The following SESTD1 variants were observed in gnomAD, a reference collection of about 807,000 sequenced individuals.
SESTD1 encodes SEC14 domain and spectrin repeat-containing protein 1.
Under a neutral mutation model 101.7 loss-of-function variants are expected in SESTD1, and 43 were observed. The observed-to-expected ratio is 0.42, with a 90% CI of 0.33 to 0.55. The LOEUF (loss-of-function observed/expected upper bound fraction) is 0.55, where lower values mean the gene tolerates loss of function less well. Among genes scored for constraint, SESTD1 ranks in the 20% least tolerant of loss-of-function variants. The pLI, the probability that SESTD1 is intolerant of heterozygous loss-of-function variation, is 0.07. For synonymous variants in SESTD1, 283 were observed against 286.8 expected, an observed-to-expected ratio of 0.99 and a Z score of 0.13; for missense variants, 647 against 815.1, an observed-to-expected ratio of 0.79 and a Z score of 2.51.
At chr2:179,201,246 T>C (rs2046507438) in intron 1 of SESTD1, among the ~76,000 whole-genome samples, 1 of 132,788 alleles carries the variant, frequency 7.5e-6, no homozygotes. Flanking sequence ...CCAGTCAGAA[T>C]GGCAATCATT....
In SESTD1 at chr2:179,155,450, ACT is replaced by A. The variant is rs141912503; in HGVS notation, c.370-4061_370-4060del. Among the ~76,000 whole-genome samples the A allele has an allele frequency of 8.4e-3, 1,279 of 151,972 alleles. 10 individuals carry two copies. Among genetic ancestry groups the A allele is most frequent in the African/African-American group, 0.029 (1,191 of 41,448 alleles). On this transcript the variant is annotated intron_variant, in intron 5 of 17. Transcript: ENST00000428443. ...ATCTGAAAAGATAAAATCCCAGAGC[ACT>A]CTCTCCTGAAAATGCAGGCCGGGCA...
At chr2:179,211,745 T>C (rs1225234469) in intron 1 of SESTD1, among the ~76,000 whole-genome samples, 1 of 133,768 alleles carries the variant, frequency 7.5e-6, no homozygotes, top group Non-Finnish European at 1.6e-5. Flanking sequence ...TTCCAAGTGA[T>C]GTAACTCAGG....
At chr2:179,133,151 A>T (rs1036841586) in intron 9 of SESTD1, among the ~76,000 whole-genome samples, 2 of 152,074 alleles carry the variant, frequency 1.3e-5, no homozygotes, top group African/African-American at 4.8e-5. Context: ...CAGCATCAGG[A>T]GTTCTTCAGC....
Position 179,156,802 on chromosome 2 carries a change from C to T in SESTD1, c.370-5411G>A, listed in dbSNP as rs371746431. Among the ~76,000 whole-genome samples the T allele has an allele frequency of 5.9e-5, 9 of 152,226 alleles. No homozygotes were observed. The East Asian group carries it at 1.5e-3, about 26-fold the overall frequency. On this transcript the variant is annotated intron_variant, in intron 5 of 17. Coordinates refer to ENST00000428443, the MANE Select transcript of SESTD1 (RefSeq NM_178123.5). The stretch of plus-strand genomic sequence containing the variant: ...TTTACTCTGCTGACTGTTCATTTTG[C>T]CATACAAAAGCTCTTTAATTTCATT...
intron 1 of SESTD1, among the ~76,000 whole-genome samples, chr2:179,239,421 G>C (rs1312724824): frequency 6.6e-6 from 1 of 151,960 alleles, no homozygotes; most frequent in Non-Finnish European, 1.5e-5. Context: ...CTAAGGTAAA[G>C]ACTTTGAAGT....
At chr2:179,236,749 GTT>G (rs71848548) in intron 1 of SESTD1, among the ~76,000 whole-genome samples, 39,595 of 135,150 alleles carry the variant, frequency 0.29, 5,579 homozygotes, top group South Asian at 0.44. Context: ...ATCTGATGTA[GTT>G]TTTTTTTTTT....
intron 9 of SESTD1, among the ~76,000 whole-genome samples, chr2:179,136,532 CTA>C (rs2045150077): frequency 6.6e-6 from 1 of 152,110 alleles, no homozygotes; most frequent in South Asian, 2.1e-4. Flanking sequence ...TCATTTATCA[CTA>C]TGTGTTACAA....
At chr2:179,149,763 T>C (rs955876188) in intron 6 of SESTD1, among the ~76,000 whole-genome samples, 4 of 152,242 alleles carry the variant, frequency 2.6e-5, no homozygotes, top group Non-Finnish European at 5.9e-5. Flanking sequence ...TTTATGTTAT[T>C]CTATCACCAA....
At position 179,124,459 on chromosome 2, in the gene SESTD1, G is replaced by C. The variant is rs2044824514; in HGVS notation, c.1072C>G (p.Gln358Glu). Residue 358 changes from glutamine (Q) to glutamate (E), a missense_variant, in exon 11 of 18, where the codon CAA becomes GAA. By Grantham distance (29) the Gln-to-Glu change is conservative. Coordinates refer to ENST00000428443, the MANE Select transcript of SESTD1 (RefSeq NM_178123.5). ...TGTCGATAACAAACATCACTAAGTT[G>C]TTGCTGCAGTGACTTTAGTTCCACA... is the stretch of plus-strand genomic sequence containing the variant. ...DLVELKSLQQQLSDVCYRQAS... is the reference protein window; with the variant it reads ...DLVELKSLQQELSDVCYRQAS... 1.2e-6 allele frequency: 2 copies of C among 1,613,944 alleles called. No individual in the cohort carries two copies. Among genetic ancestry groups the C allele is most frequent in the Admixed American group, 1.7e-5 (1 of 60,000 alleles).
In SESTD1 at chr2:179,110,046, C is replaced by A; in HGVS notation, c.1962-18G>T. On this transcript the variant is annotated intron_variant, in intron 17 of 17. Coordinates refer to ENST00000428443, the MANE Select transcript of SESTD1 (RefSeq NM_178123.5). ...GTTCGGTTCTAAAAATCAAAACACA[C>A]AGAAAAACCTCAGATTAATACAAAT... 1.2e-6 allele frequency: 2 copies of A among 1,611,314 alleles called. No individual in the cohort carries two copies. The highest frequency in any genetic ancestry group is 1.7e-6 in the Non-Finnish European group (2 of 1,178,678).
At chr2:179,141,466 G>C (rs7585600) in intron 9 of SESTD1, among the ~76,000 whole-genome samples, 64,104 of 151,636 alleles carry the variant, frequency 0.42, 15,411 homozygotes, top group African/African-American at 0.66. Context: ...TACTCATCAT[G>C]ACATTGCTGA....
intron 1 of SESTD1, among the ~76,000 whole-genome samples, chr2:179,249,657 A>G (rs1230001630): frequency 6.6e-6 from 1 of 152,174 alleles, no homozygotes; most frequent in African/African-American, 2.4e-5. Context: ...ACAGAAAAAA[A>G]TTATCCTAAA....
chr2:179,218,876 C>T (rs1337922260), intron 1 of SESTD1, among the ~76,000 whole-genome samples: 1 of 152,170 alleles, frequency 6.6e-6, no homozygotes, highest in African/African-American at 2.4e-5. Flanking sequence ...GACAGAAGTC[C>T]AGGCAGTGGA....
At chr2:179,115,617 A>G (rs190415734) in intron 15 of SESTD1, among the ~76,000 whole-genome samples, 61 of 152,110 alleles carry the variant, frequency 4.0e-4, no homozygotes, top group Admixed American at 6.5e-4. Flanking sequence ...GTTTGGCCAC[A>G]CTTGCCTGTA....
intron 7 of SESTD1, among the ~76,000 whole-genome samples, chr2:179,149,095 T>C (rs2045458949): frequency 1.4e-5 from 2 of 142,990 alleles, no homozygotes; most frequent in African/African-American, 2.6e-5. Context: ...AAAAAAAGGC[T>C]TTTGTGAAGA....
intron 17 of SESTD1, among the ~76,000 whole-genome samples, chr2:179,112,400 G>C (rs1028650084): frequency 4.6e-5 from 7 of 152,134 alleles, no homozygotes; most frequent in Non-Finnish European, 5.9e-5. Flanking sequence ...TCAATCCCTT[G>C]TCCCCTCTTC....
In SESTD1 at chr2:179,146,986, C is replaced by T. The variant is rs576655429; in HGVS notation, c.582-529G>A. Among the ~76,000 whole-genome samples, 5 of 151,382 alleles carry T rather than the reference C, an allele frequency of 3.3e-5. No individual in the cohort carries two copies. In the East Asian group the frequency reaches 7.8e-4, roughly 24 times the overall value. The stretch of plus-strand genomic sequence containing the variant: ...TTCCCTAATCATACTTCTTGTGCAG[C>T]TGGACATCTGCCTTTATTTTCCTAA... On this transcript the variant is annotated intron_variant, in intron 7 of 17. Transcript: ENST00000428443.
At chr2:179,189,875 C>G (rs1474661736) in intron 2 of SESTD1, among the ~76,000 whole-genome samples, 2 of 151,854 alleles carry the variant, frequency 1.3e-5, no homozygotes, top group African/African-American at 4.8e-5. Context: ...TGAAAGATAC[C>G]TACAAAGAGA....
At chr2:179,253,760 A>G (rs2047352772) in intron 1 of SESTD1, among the ~76,000 whole-genome samples, 1 of 152,176 alleles carries the variant, frequency 6.6e-6, no homozygotes, top group Non-Finnish European at 1.5e-5. Flanking sequence ...TCAGCAGCTG[A>G]GTAGGAATGA....
Sources: allele counts gnomAD v4.1 joint callset (sites outside exome capture counted in the v4.1 genomes callset), GRCh38; gene constraint gnomAD v4.1.1; transcripts MANE v1.5; gene names NCBI Gene and HGNC (gene_info 2026-07-23, HGNC 2026-07-21).